The following TMEM132D variants were observed in gnomAD, a reference collection of about 807,000 sequenced individuals.
TMEM132D encodes the protein transmembrane protein 132D, also known as mature OL transmembrane protein.
Under a neutral mutation model 62.3 loss-of-function variants are expected in TMEM132D, and 21 were observed. That is an observed-to-expected ratio of 0.34 (90% CI 0.24 to 0.49). The LOEUF (loss-of-function observed/expected upper bound fraction) is 0.49, where lower values mean the gene tolerates loss of function less well. Among genes scored for constraint, TMEM132D ranks in the 20% least tolerant of loss-of-function variants. The probability of loss-of-function intolerance (pLI) is 0.99; values close to 1 mark genes in which losing one functional copy is unlikely to be tolerated. For missense variants in TMEM132D, 1,346 were observed against 1,402.8 expected, an observed-to-expected ratio of 0.96 and a Z score of 0.65; for synonymous variants, 621 against 575.6, an observed-to-expected ratio of 1.08 and a Z score of -1.13.
At chr12:129,682,411 C>A (rs1250791073) in intron 2 of TMEM132D, among the ~76,000 whole-genome samples, 1 of 152,122 alleles carries the variant, frequency 6.6e-6, no homozygotes, top group East Asian at 1.9e-4. Flanking sequence ...ACGACAGGTG[C>A]CCAGAGCTGC....
intron 2 of TMEM132D, among the ~76,000 whole-genome samples, chr12:129,569,577 AG>A (rs1877456160): frequency 6.6e-6 from 1 of 152,206 alleles, no homozygotes; most frequent in Non-Finnish European, 1.5e-5. Flanking sequence ...TAGGATTCAA[AG>A]GGGTAAACAC....
chr12:129,876,414 T>C (rs2137381727), intron 1 of TMEM132D, among the ~76,000 whole-genome samples: 1 of 152,308 alleles, frequency 6.6e-6, no homozygotes, highest in Admixed American at 6.5e-5. Flanking sequence ...GCAGCAGAAA[T>C]GATGGCTAAG....
chr12:129,663,100 A>C (rs1292031386), intron 2 of TMEM132D, among the ~76,000 whole-genome samples: 1 of 151,830 alleles, frequency 6.6e-6, no homozygotes, highest in African/African-American at 2.4e-5. Flanking sequence ...GGCAGAAGAA[A>C]GGTGAAAGGC....
chr12:129,775,100 A>G (rs2137285943), intron 1 of TMEM132D, among the ~76,000 whole-genome samples: 1 of 152,338 alleles, frequency 6.6e-6, no homozygotes, highest in Admixed American at 6.5e-5. Context: ...AACAATCTCA[A>G]TAAATGCCTA....
At chr12:129,199,751 G>A (rs1222897462) in intron 5 of TMEM132D, among the ~76,000 whole-genome samples, 1 of 152,142 alleles carries the variant, frequency 6.6e-6, no homozygotes, top group Non-Finnish European at 1.5e-5. Context: ...TTGTGCAGGG[G>A]AACTGCCCTT....
At chr12:129,638,542 TA>T (rs1485141116) in intron 2 of TMEM132D, among the ~76,000 whole-genome samples, 24 of 44,750 alleles carry the variant, frequency 5.4e-4, no homozygotes, top group Non-Finnish European at 1.1e-3. Context: ...CATATATAAA[TA>T]TAAACATATA....
intron 2 of TMEM132D, among the ~76,000 whole-genome samples, chr12:129,594,778 C>T (rs777628185): frequency 1.8e-4 from 28 of 152,166 alleles, no homozygotes; most frequent in Non-Finnish European, 1.5e-4. Context: ...CATCCACGGA[C>T]TCCCCCTCCC....
intron 2 of TMEM132D, among the ~76,000 whole-genome samples, chr12:129,572,887 C>G (rs1176564253): frequency 6.6e-6 from 1 of 152,054 alleles, no homozygotes; most frequent in African/African-American, 2.4e-5. Context: ...TAAAATCAGT[C>G]TGATGAAAAT....
intron 1 of TMEM132D, among the ~76,000 whole-genome samples, chr12:129,783,250 C>T (rs1355616225): frequency 6.6e-6 from 1 of 152,154 alleles, no homozygotes; most frequent in Non-Finnish European, 1.5e-5. Context: ...CAGTTTAAAT[C>T]AATTCGGAAT....
At chr12:129,372,655 A>G (rs1385792114) in intron 3 of TMEM132D, among the ~76,000 whole-genome samples, 2 of 152,084 alleles carry the variant, frequency 1.3e-5, no homozygotes, top group African/African-American at 4.8e-5. Flanking sequence ...CTGTAGTGCA[A>G]ACTATGCATG....
chr12:129,619,505 C>A (rs911434950), intron 2 of TMEM132D, among the ~76,000 whole-genome samples: 1 of 152,206 alleles, frequency 6.6e-6, no homozygotes, highest in Non-Finnish European at 1.5e-5. Flanking sequence ...ATTTTCCAAG[C>A]TGTCCCTATT....
intron 2 of TMEM132D, among the ~76,000 whole-genome samples, chr12:129,540,134 A>G (rs1371694110): frequency 6.6e-6 from 1 of 151,944 alleles, no homozygotes; most frequent in Non-Finnish European, 1.5e-5. Context: ...TTAGAGCTAC[A>G]TGCTTTCTGC....
At chr12:129,778,366 C>A (rs912210992) in intron 1 of TMEM132D, among the ~76,000 whole-genome samples, 8 of 152,070 alleles carry the variant, frequency 5.3e-5, no homozygotes, top group Non-Finnish European at 7.4e-5. Flanking sequence ...ACTTTTAGCT[C>A]AGTCCTATAA....
chr12:129,263,502 C>G (rs533585628), intron 4 of TMEM132D, among the ~76,000 whole-genome samples: 1 of 152,280 alleles, frequency 6.6e-6, no homozygotes, highest in African/African-American at 2.4e-5. Context: ...CAATCCAGCT[C>G]TAACTTCTGT....
At chr12:129,345,486 T>C (rs1249744398) in intron 3 of TMEM132D, among the ~76,000 whole-genome samples, 1 of 152,208 alleles carries the variant, frequency 6.6e-6, no homozygotes. Context: ...CTGGTGTTTC[T>C]ATGTAATACT....
At chr12:129,787,420 A>G (rs554105287) in intron 1 of TMEM132D, among the ~76,000 whole-genome samples, 2 of 152,282 alleles carry the variant, frequency 1.3e-5, no homozygotes, top group African/African-American at 4.8e-5. Flanking sequence ...AGGATATTTT[A>G]TCTCCTTTCT....
At chr12:129,754,183 G>A (rs561659076) in intron 1 of TMEM132D, among the ~76,000 whole-genome samples, 1 of 152,158 alleles carries the variant, frequency 6.6e-6, no homozygotes, top group Non-Finnish European at 1.5e-5. Flanking sequence ...TCTTCACCCC[G>A]CCTGACCTTA....
chr12:129,747,811 C>T (rs1218922436), intron 1 of TMEM132D, among the ~76,000 whole-genome samples: 1 of 150,728 alleles, frequency 6.6e-6, no homozygotes, highest in Non-Finnish European at 1.5e-5. Context: ...ATTTGATACA[C>T]ACACTTGACA....
At chr12:129,339,559 G>A (rs369862137) in intron 3 of TMEM132D, among the ~76,000 whole-genome samples, 44 of 152,230 alleles carry the variant, frequency 2.9e-4, no homozygotes, top group African/African-American at 1.0e-3. Context: ...CCTAGGCCAC[G>A]GTGGGCTTTT....
Sources: allele counts gnomAD v4.1 joint callset (sites outside exome capture counted in the v4.1 genomes callset), GRCh38; gene constraint gnomAD v4.1.1; transcripts MANE v1.5; gene names NCBI Gene and HGNC (gene_info 2026-07-23, HGNC 2026-07-21).